WDR62: variants seen among roughly 807,000 people sequenced by gnomAD.
The protein encoded by WDR62 is WD repeat-containing protein 62.
A neutral mutation model predicts 160.6 loss-of-function variants in WDR62; 112 were observed. That is an observed-to-expected ratio of 0.70 (90% CI 0.60 to 0.82). The LOEUF (loss-of-function observed/expected upper bound fraction) is 0.82. Ranked by LOEUF, WDR62 falls within the 40% of genes least tolerant of loss-of-function variation. The probability of loss-of-function intolerance (pLI) is 0.00; values close to 1 mark genes in which losing one functional copy is unlikely to be tolerated. For missense variants in WDR62, 1,819 were observed against 1,983.8 expected, an observed-to-expected ratio of 0.92 and a Z score of 1.58; for synonymous variants, 792 against 815.1, an observed-to-expected ratio of 0.97 and a Z score of 0.48.
intron 13 of WDR62, among the ~76,000 whole-genome samples, chr19:36,088,148 G>A (rs1789014376): frequency 6.6e-6 from 1 of 152,116 alleles, no homozygotes; most frequent in Admixed American, 6.5e-5. Context: ...CAAATGTCCT[G>A]TCATGAAGGA....
intron 20 of WDR62, among the ~76,000 whole-genome samples, chr19:36,094,577 TATAA>T (rs1568360746): frequency 2.7e-5 from 4 of 149,258 alleles, no homozygotes; most frequent in East Asian, 3.9e-4. Flanking sequence ...ATAATAATAA[TATAA>T]ATAAAATAAA....
intron 9 of WDR62, among the ~76,000 whole-genome samples, chr19:36,077,665 C>T (rs1180495415): frequency 1.3e-5 from 2 of 151,624 alleles, no homozygotes; most frequent in African/African-American, 4.9e-5. Flanking sequence ...GGCACAATCT[C>T]GGCTCACTGC....
intron 9 of WDR62, chr19:36,075,345 TTCTAAGGTTCTATCTAAC>T (rs1971519871): frequency 6.6e-6 from 1 of 151,430 alleles, no homozygotes; most frequent in Non-Finnish European, 1.5e-5. Flanking sequence ...ATTCGCTCTC[TTCTAAGGTTCTATCTAAC>T]TCTAAGGTTC....
At chr19:36,074,159 A>G in intron 9 of WDR62, 1 of 217,134 alleles carries the variant, frequency 4.6e-6, no homozygotes, top group Non-Finnish European at 9.4e-6. Context: ...TTAGCCAGGC[A>G]TGGTAGCACA....
At chr19:36,105,981 G>A (rs1024138916), downstream of WDR62, among the ~76,000 whole-genome samples, 1 of 152,184 alleles carries the variant, frequency 6.6e-6, no homozygotes, top group Admixed American at 6.5e-5. Context: ...TTACAGGCAT[G>A]AGCCACCGCA....
intron 9 of WDR62, among the ~76,000 whole-genome samples, chr19:36,079,679 A>G (rs539295793): frequency 2.0e-5 from 3 of 152,232 alleles, no homozygotes; most frequent in Non-Finnish European, 2.9e-5. Context: ...GTGCTTTCCA[A>G]TGAACACCTC....
rs1973346055 is a variant in WDR62 at position 36,101,665 on chromosome 19, C to G, written c.2973C>G (p.Asp991Glu). The stretch of plus-strand genomic sequence containing the variant: ...CCTGACCCCGACTCTGTCCTTCAGA[C>G]TCGGGGGAGTCAGAGGCCGACCTGG... ...DSPKDQSPPE[D>E]SGESEADLEC... Residue 991 changes from aspartate (D) to glutamate (E), a missense_variant and splice_region_variant, in exon 25 of 32, where the codon GAC becomes GAG. By Grantham distance (45) the Asp-to-Glu change is conservative (BLOSUM62 2). Coordinates refer to ENST00000401500, the MANE Select transcript of WDR62 (RefSeq NM_001083961.2). 6.5e-7 allele frequency: 1 copy of G among 1,549,198 alleles called. No individual in the cohort carries two copies. The highest frequency in any genetic ancestry group is 8.7e-7 in the Non-Finnish European group (1 of 1,145,318).
chr19:36,091,065 C>A, intron 16 of WDR62, 135 bp from the exon 17 acceptor site: 1 of 736,960 alleles, frequency 1.4e-6, no homozygotes, highest in East Asian at 2.7e-5. Context: ...CTTCACGTGT[C>A]GAATGGGAGC....
At chr19:36,073,995 CT>C in intron 9 of WDR62, 1 of 327,960 alleles carries the variant, frequency 3.0e-6, no homozygotes, top group South Asian at 2.5e-5. Context: ...TATTTCACTG[CT>C]TTTTTTAAAA....
downstream of WDR62, among the ~76,000 whole-genome samples, chr19:36,107,659 T>C (rs1395349054): frequency 1.3e-5 from 2 of 151,972 alleles, no homozygotes; most frequent in East Asian, 3.9e-4. Flanking sequence ...TTGATGTGCT[T>C]GGACCATCTC....
intron 19 of WDR62, among the ~76,000 whole-genome samples, chr19:36,093,193 G>T (rs754990801): frequency 1.6e-4 from 25 of 152,156 alleles, no homozygotes; most frequent in Non-Finnish European, 2.5e-4. Context: ...TCAGCACTGT[G>T]ATGGGGGATG....
intron 9 of WDR62, among the ~76,000 whole-genome samples, chr19:36,080,646 C>A (rs543816253): frequency 6.6e-6 from 1 of 151,530 alleles, no homozygotes; most frequent in African/African-American, 2.4e-5. Flanking sequence ...TTAGTAGAGA[C>A]GGGGTTTCTC....
rs558937299 is a variant in WDR62 at position 36,101,236 on chromosome 19, G to C, written c.2890G>C (p.Glu964Gln). The C allele has an allele frequency of 6.2e-7, 1 of 1,613,132 alleles. No individual in the cohort carries two copies. The highest frequency in any genetic ancestry group is 1.7e-5 in the Admixed American group (1 of 59,930). The change falls in exon 24 of 32, where the codon GAG (glutamate) becomes CAG (glutamine). Residue 964 changes from glutamate to glutamine, a missense_variant. Around this residue, in one of 3 missense-constraint regions of WDR62, gnomAD observed 934 missense variants for 1,157.2 expected, o/e 0.81. Coordinates refer to ENST00000401500, the MANE Select transcript of WDR62 (RefSeq NM_001083961.2). ...TDSQYCRKEV[E>Q]AGPGDQQGDS... ...CAGCCAGTATTGCAGGAAGGAGGTG[G>C]AGGCCGGGCCTGGAGACCAGCAGGG... is the stretch of plus-strand genomic sequence containing the variant.
Position 36,101,195 on chromosome 19 carries a change from G to T in WDR62, c.2868-19G>T, listed in dbSNP as rs759760384. 2.5e-6 allele frequency: 4 copies of T among 1,600,810 alleles called. No homozygotes were observed. The highest frequency in any genetic ancestry group is 1.7e-6 in the Non-Finnish European group (2 of 1,173,162). The stretch of plus-strand genomic sequence containing the variant: ...CAGCTGAAGTCCTTGTTCCCTCTCT[G>T]CCCCCACTGGCACTGCAGCCAGTAT... On this transcript the variant is annotated intron_variant, in intron 23 of 31. Coordinates refer to ENST00000401500, the MANE Select transcript of WDR62 (RefSeq NM_001083961.2).
intron 12 of WDR62, 132 bp downstream of exon 12, chr19:36,084,876 C>A: frequency 1.2e-6 from 1 of 817,388 alleles, no homozygotes; most frequent in South Asian, 1.5e-5. Context: ...GGTAAGGGCC[C>A]CTGTAGCTGG....
At position 36,066,392 on chromosome 19, in the gene WDR62, C is replaced by G; in HGVS notation, c.526C>G (p.Gln176Glu). Residue 176 changes from glutamine to glutamate, a missense_variant, in exon 5 of 32, where the codon CAA becomes GAA. Physicochemically the swap from Gln to Glu is conservative, Grantham distance 29. Coordinates refer to ENST00000401500, the MANE Select transcript of WDR62 (RefSeq NM_001083961.2). ...NMKHIVSMGY[Q>E]HDMVLNVWDW... ...GAAGCACATCGTGTCCATGGGCTAC[C>G]AACATGACATGGTGCTCAACGTCTG... The G allele has an allele frequency of 6.2e-7, 1 of 1,611,348 alleles. No individual in the cohort carries two copies. The highest frequency in any genetic ancestry group is 1.1e-5 in the South Asian group (1 of 90,592).
At chr19:36,082,831 GAA>G (rs1971979059) in intron 10 of WDR62, among the ~76,000 whole-genome samples, 1 of 152,338 alleles carries the variant, frequency 6.6e-6, no homozygotes, top group African/African-American at 2.4e-5. Context: ...GCAGGATGGA[GAA>G]AAGACAGCAG....
chr19:36,069,424 C>CA (rs1971155984), intron 7 of WDR62, among the ~76,000 whole-genome samples: 1 of 151,226 alleles, frequency 6.6e-6, no homozygotes, highest in Non-Finnish European at 1.5e-5. Flanking sequence ...CCCCGCATCT[C>CA]AGACGATGGG....
chr19:36,076,965 A>ATG (rs923380542), intron 9 of WDR62, among the ~76,000 whole-genome samples: 19 of 151,804 alleles, frequency 1.3e-4, no homozygotes, highest in Non-Finnish European at 2.2e-4. Context: ...GTATATATGT[A>ATG]TGTGTGTGTG....
Sources: allele counts gnomAD v4.1 joint callset (sites outside exome capture counted in the v4.1 genomes callset), GRCh38; gene constraint gnomAD v4.1.1; regional missense constraint gnomAD v4.1.1; transcripts MANE v1.5; gene names NCBI Gene and HGNC (gene_info 2026-07-23, HGNC 2026-07-21).